PHIP: variants seen among roughly 807,000 people sequenced by gnomAD.
PHIP encodes PH-interacting protein.
A neutral mutation model predicts 236.8 loss-of-function variants in PHIP; 54 were observed. The observed-to-expected ratio is 0.23, with a 90% confidence interval of 0.18 to 0.29. The LOEUF (loss-of-function observed/expected upper bound fraction) is 0.29, where lower values mean the gene tolerates loss of function less well. Ranked by LOEUF, PHIP falls within the 10% of genes least tolerant of loss-of-function variation. The pLI is 1.00. For missense variants in PHIP, 1,370 were observed against 2,190.8 expected (o/e 0.63, Z 7.48); for synonymous variants, 756 against 718.9 (o/e 1.05, Z -0.83).
At chr6:79,016,784 T>G in intron 12 of PHIP, 142 bp from the exon 13 acceptor site, 1 of 514,412 alleles carries the variant, frequency 1.9e-6, no homozygotes. Flanking sequence ...CTTTATGGGC[T>G]TTTTAGAATT....
At chr6:79,014,971 T>G (rs537049319) in intron 15 of PHIP, 111 bp downstream of exon 15, 1 of 777,716 alleles carries the variant, frequency 1.3e-6, no homozygotes, top group African/African-American at 1.7e-5. Flanking sequence ...GAATTTAAAG[T>G]CAAAATAATG....
rs1369886016 is a variant in PHIP at position 79,026,179 on chromosome 6, G to A, written c.601-15C>T. On this transcript the variant is annotated splice_polypyrimidine_tract_variant and intron_variant, in intron 7 of 39. Transcript: ENST00000275034. ...TCATCAGAACCCTTAAAGTAAGAAT[G>A]GATATTAATAGAATTAACCCCATAA... is the stretch of plus-strand genomic sequence containing the variant. The A allele has an allele frequency of 5.2e-6, 8 of 1,549,926 alleles. No homozygotes were observed. The highest frequency in any genetic ancestry group is 1.7e-4 in the Middle Eastern group (1 of 5,920).
In PHIP at chr6:79,078,060, A is replaced by G; in HGVS notation, c.9T>C (p.Cys3=). MS[C]ERKGLSELRS... The stretch of plus-strand genomic sequence containing the variant: ...GCAGCTCCGAGAGGCCTTTCCTCTC[A>G]CAAGACATGTTTATGGGTCACTTCA... Residue 3 remains cysteine (C), a synonymous_variant, in exon 1 of 40, where the codon TGT becomes TGC. Transcript: ENST00000275034. 6.2e-7 allele frequency: 1 copy of G among 1,609,174 alleles called. No homozygotes were observed. Among genetic ancestry groups the G allele is most frequent in the Non-Finnish European group, 8.5e-7 (1 of 1,179,292 alleles).
At chr6:78,952,781 T>G (rs1186854639) in intron 35 of PHIP, among the ~76,000 whole-genome samples, 1 of 152,178 alleles carries the variant, frequency 6.6e-6, no homozygotes, top group Non-Finnish European at 1.5e-5. Flanking sequence ...AAATAACATA[T>G]TTTTTCCCTA....
At chr6:78,943,611 T>A (rs961157786) in intron 39 of PHIP, among the ~76,000 whole-genome samples, 4 of 152,216 alleles carry the variant, frequency 2.6e-5, no homozygotes, top group Non-Finnish European at 5.9e-5. Context: ...TCTTTGGAGA[T>A]ACAGACATGT....
intron 9 of PHIP, among the ~76,000 whole-genome samples, chr6:79,025,003 G>A (rs1041725254): frequency 6.6e-6 from 1 of 151,986 alleles, no homozygotes; most frequent in Non-Finnish European, 1.5e-5. Context: ...TATTAATATG[G>A]GCGACCGCAC....
At chr6:79,025,371 A>T (rs1327087055) in intron 9 of PHIP, 148 bp downstream of exon 9, 2 of 528,592 alleles carry the variant, frequency 3.8e-6, no homozygotes, top group African/African-American at 3.9e-5. Context: ...TAAAAATAAA[A>T]CAGGTTAGTA....
chr6:78,992,955 C>T (rs1421211366), intron 19 of PHIP, among the ~76,000 whole-genome samples: 1 of 152,160 alleles, frequency 6.6e-6, no homozygotes, highest in Non-Finnish European at 1.5e-5. Context: ...GCCTCTTGTG[C>T]CCAACAACCA....
intron 9 of PHIP, among the ~76,000 whole-genome samples, chr6:79,022,378 A>C (rs933338836): frequency 6.6e-6 from 1 of 152,182 alleles, no homozygotes; most frequent in Non-Finnish European, 1.5e-5. Context: ...ACTAACTGCC[A>C]CTTAGTTTGG....
intron 12 of PHIP, 42 bp from the exon 13 acceptor site, chr6:79,016,684 A>G (rs1770846089): frequency 8.2e-6 from 10 of 1,223,828 alleles, no homozygotes; most frequent in African/African-American, 1.5e-5. Context: ...AAAATCATAC[A>G]TGCTTTACCA....
chr6:78,963,376 C>T lies in PHIP; in HGVS notation c.3380-124G>A, dbSNP rs543050179. 1.1e-5 allele frequency: 7 copies of T among 642,210 alleles called. No homozygotes were observed. The East Asian group carries it at 2.1e-4, about 19-fold the overall frequency. 39.8% of individuals were successfully genotyped at this position (642,210 alleles called of 1,614,324 possible). On this transcript the variant is annotated intron_variant, in intron 29 of 39. Coordinates refer to ENST00000275034, the MANE Select transcript of PHIP (RefSeq NM_017934.7). The stretch of plus-strand genomic sequence containing the variant: ...TTTTGTATAGATTTGTAAATATACT[C>T]TTTATTTTAACAAAGGAAAGTATGT...
At chr6:78,973,171 C>T (rs541273708) in intron 24 of PHIP, among the ~76,000 whole-genome samples, 35 of 152,208 alleles carry the variant, frequency 2.3e-4, no homozygotes, top group African/African-American at 8.2e-4. Context: ...AGACTAACAG[C>T]GGATCTCTCA....
chr6:78,969,925 C>A lies in PHIP; in HGVS notation c.3123-8G>T. Reference sequence around the variant, plus strand: ...TCAGGCATATCATGGTATCTAATTACAAACAGAAACAAATTGATTAGGTCA... The same window carrying A: ...TCAGGCATATCATGGTATCTAATTAAAAACAGAAACAAATTGATTAGGTCA... On this transcript the variant is annotated splice_polypyrimidine_tract_variant and splice_region_variant and intron_variant, in intron 26 of 39. Coordinates refer to ENST00000275034, the MANE Select transcript of PHIP (RefSeq NM_017934.7). 1 of 1,577,664 alleles carries A rather than the reference C, an allele frequency of 6.3e-7. No homozygotes were observed. Among genetic ancestry groups the A allele is most frequent in the Non-Finnish European group, 8.7e-7 (1 of 1,154,440 alleles).
At chr6:79,047,769 C>T (rs1003579886) in intron 6 of PHIP, among the ~76,000 whole-genome samples, 1 of 152,092 alleles carries the variant, frequency 6.6e-6, no homozygotes, top group African/African-American at 2.4e-5. Flanking sequence ...AGTTCTCCTA[C>T]TCAGCCCAAC....
At chr6:78,998,813 A>G (rs1456254452) in intron 17 of PHIP, among the ~76,000 whole-genome samples, 1 of 152,184 alleles carries the variant, frequency 6.6e-6, no homozygotes, top group African/African-American at 2.4e-5. Flanking sequence ...TTCTTAAAAA[A>G]AATGTTTACT....
intron 4 of PHIP, among the ~76,000 whole-genome samples, chr6:79,067,321 C>G (rs544322909): frequency 3.3e-4 from 50 of 152,316 alleles, no homozygotes; most frequent in African/African-American, 1.1e-3. Context: ...CTAGTCAGAG[C>G]TTTTTCAAAC....
chr6:79,024,736 C>T (rs1337897949), intron 9 of PHIP, among the ~76,000 whole-genome samples: 1 of 152,068 alleles, frequency 6.6e-6, no homozygotes, highest in African/African-American at 2.4e-5. Flanking sequence ...ACCCGGGAGG[C>T]AGAGCTTGCA....
intron 24 of PHIP, among the ~76,000 whole-genome samples, chr6:78,972,922 T>C (rs1245209126): frequency 1.3e-5 from 2 of 152,128 alleles, no homozygotes; most frequent in East Asian, 1.9e-4. Flanking sequence ...CTGAAAGTGA[T>C]GGGGAGAATG....
Position 79,015,088 on chromosome 6 carries a change from G to A in PHIP, c.1518C>T (p.Phe506=). ...LARGVKIRSY[F]NMIEGQGHGA... ...TGAAGAGAATGATAATTACCATATT[G>A]AAATAAGATCGTATTTTGACTCCTC... is the stretch of plus-strand genomic sequence containing the variant. The change falls in exon 15 of 40, where the codon TTC becomes TTT. Residue 506 remains phenylalanine, a synonymous_variant. Coordinates refer to ENST00000275034, the MANE Select transcript of PHIP (RefSeq NM_017934.7). 1 of 1,610,010 alleles carries A rather than the reference G, an allele frequency of 6.2e-7. No homozygotes were observed. Among genetic ancestry groups the A allele is most frequent in the Non-Finnish European group, 8.5e-7 (1 of 1,176,900 alleles).
Sources: gnomAD v4.1 joint callset for allele counts (sites outside exome capture counted in the v4.1 genomes callset) on GRCh38, gnomAD v4.1.1 for gene constraint, MANE v1.5 for transcripts, NCBI Gene and HGNC (gene_info 2026-07-23, HGNC 2026-07-21) for gene names.